The following HYAL4 variants were observed in gnomAD, a reference collection of about 807,000 sequenced individuals.
HYAL4 encodes hyaluronidase-4.
In HYAL4, 37 loss-of-function variants were observed where a neutral mutation model predicts 35.2. That is an observed-to-expected ratio of 1.05 (90% CI 0.81 to 1.38). HYAL4 has a LOEUF of 1.38. Among genes scored for constraint, HYAL4 ranks in the 40% most tolerant of loss-of-function variants. The pLI is 0.00. For missense variants in HYAL4, 572 were observed against 572.4 expected (o/e 1.00, Z 0.01); for synonymous variants, 198 against 203.2 (o/e 0.97, Z 0.22).
At chr7:123,823,192 G>A in the HYAL4 span, among the ~76,000 whole-genome samples, 1 of 152,042 alleles carries the variant, frequency 6.6e-6, no homozygotes, top group Non-Finnish European at 1.5e-5. Flanking sequence ...TGCTTTTTCT[G>A]CTTCTAGTAA....
At chr7:123,824,965 T>C (rs563496397), upstream of HYAL4, among the ~76,000 whole-genome samples, 2 of 152,100 alleles carry the variant, frequency 1.3e-5, no homozygotes, top group Non-Finnish European at 2.9e-5. Flanking sequence ...AGGACAGTGC[T>C]CTCTACTTCA....
chr7:123,787,740 C>T, the HYAL4 span, among the ~76,000 whole-genome samples: 1 of 152,112 alleles, frequency 6.6e-6, no homozygotes, highest in Non-Finnish European at 1.5e-5. Context: ...TTAATTTTGT[C>T]CCTAAGAGTT....
chr7:123,874,694 C>T (rs562714976), intron 3 of HYAL4, 67 bp from the exon 4 acceptor site: 65 of 967,880 alleles, frequency 6.7e-5, no homozygotes, highest in African/African-American at 5.6e-4. Context: ...CGTGAGCCAC[C>T]GCGCCCAGCC....
At chr7:123,853,225 T>G (rs1806352249) in intron 2 of HYAL4, among the ~76,000 whole-genome samples, 2 of 152,220 alleles carry the variant, frequency 1.3e-5, no homozygotes, top group Admixed American at 1.3e-4. Context: ...GCTCTTTATT[T>G]CTTTCTCTTG....
chr7:123,795,247 C>T, the HYAL4 span, among the ~76,000 whole-genome samples: 1 of 152,140 alleles, frequency 6.6e-6, no homozygotes, highest in Non-Finnish European at 1.5e-5. Flanking sequence ...ATTTTACAGG[C>T]TCTTAAGCAG....
intron 2 of HYAL4, among the ~76,000 whole-genome samples, chr7:123,857,115 C>G (rs1418910783): frequency 6.6e-6 from 1 of 152,184 alleles, no homozygotes; most frequent in Non-Finnish European, 1.5e-5. Flanking sequence ...TCTTAGCTTG[C>G]TGGGCTCCGT....
the HYAL4 span, among the ~76,000 whole-genome samples, chr7:123,787,844 A>G: frequency 6.6e-6 from 1 of 152,288 alleles, no homozygotes; most frequent in African/African-American, 2.4e-5. Flanking sequence ...AATTTTTTTA[A>G]CCATGGTGAG....
At position 123,868,867 on chromosome 7, in the gene HYAL4, C is replaced by G. The variant is rs139877569; in HGVS notation, c.594C>G (p.Phe198Leu). The change falls in exon 3 of 5, where the codon TTC becomes TTG. Residue 198 changes from phenylalanine to leucine, a missense_variant. Phe to Leu is a conservative substitution (Grantham distance 22). Transcript: ENST00000223026. Reference sequence around the variant, plus strand: ...CCTTTGAAGAAAGTGCAAAAGCTTTCATGAAGGAAACCATCAAATTGGGAA... The same window carrying G: ...CCTTTGAAGAAAGTGCAAAAGCTTTGATGAAGGAAACCATCAAATTGGGAA... The part of the protein sequence containing the change: ...KVTFEESAKA[F>L]MKETIKLGIK... 1 of 1,614,160 alleles carries G rather than the reference C, an allele frequency of 6.2e-7. No individual in the cohort carries two copies. Among genetic ancestry groups the G allele is most frequent in the Admixed American group, 1.7e-5 (1 of 60,022 alleles).
Position 123,876,734 on chromosome 7 carries a change from AT to A in HYAL4, c.1045-17del. 1 of 1,600,058 alleles carries A rather than the reference AT, an allele frequency of 6.2e-7. No homozygotes were observed. ...TACCAGGGAGAACACACTAAAATTGATTTCTTCCTACATTTCTAGGCCAACT... is the reference window on the plus strand; with the variant it reads ...TACCAGGGAGAACACACTAAAATTGATTCTTCCTACATTTCTAGGCCAACT... On this transcript the variant is annotated intron_variant, in intron 4 of 4. Transcript: ENST00000223026.
At chr7:123,840,268 G>C (rs192991240), upstream of HYAL4, among the ~76,000 whole-genome samples, 24 of 152,196 alleles carry the variant, frequency 1.6e-4, no homozygotes, top group African/African-American at 5.3e-4. Context: ...GCTTGTTTTT[G>C]TCAGGTTTGT....
the HYAL4 span, among the ~76,000 whole-genome samples, chr7:123,767,471 A>G: frequency 6.6e-6 from 1 of 152,150 alleles, no homozygotes; most frequent in Non-Finnish European, 1.5e-5. Context: ...GCTTTATCCT[A>G]TGAAGCCACT....
the HYAL4 span, among the ~76,000 whole-genome samples, chr7:123,799,860 A>G: frequency 6.6e-6 from 1 of 151,984 alleles, no homozygotes; most frequent in Admixed American, 6.6e-5. Flanking sequence ...AATCACTATT[A>G]ACTAAAAATA....
the HYAL4 span, among the ~76,000 whole-genome samples, chr7:123,810,067 T>G: frequency 2.6e-5 from 4 of 152,212 alleles, no homozygotes; most frequent in African/African-American, 9.6e-5. Flanking sequence ...CTGGATTAAA[T>G]CTGATGGAAG....
intron 4 of HYAL4, among the ~76,000 whole-genome samples, chr7:123,875,452 T>C (rs1806986832): frequency 6.6e-6 from 1 of 151,314 alleles, no homozygotes; most frequent in Non-Finnish European, 1.5e-5. Context: ...AGGCCAGGAG[T>C]TCGAGACCAG....
the HYAL4 span, among the ~76,000 whole-genome samples, chr7:123,811,304 A>G: frequency 1.3e-5 from 2 of 152,174 alleles, no homozygotes; most frequent in South Asian, 4.1e-4. Context: ...TTGCATTCCA[A>G]TTGGCAATGT....
the HYAL4 span, among the ~76,000 whole-genome samples, chr7:123,793,825 G>A: frequency 6.6e-6 from 1 of 152,204 alleles, no homozygotes; most frequent in South Asian, 2.1e-4. Context: ...AGAGAGTGGG[G>A]TGCTGCTGTA....
At chr7:123,858,645 A>T (rs887519238) in intron 2 of HYAL4, among the ~76,000 whole-genome samples, 1 of 152,220 alleles carries the variant, frequency 6.6e-6, no homozygotes, top group Admixed American at 6.5e-5. Flanking sequence ...TCAAAAGTTG[A>T]GACTTTAGTT....
the HYAL4 span, among the ~76,000 whole-genome samples, chr7:123,815,209 A>C: frequency 6.6e-6 from 1 of 152,192 alleles, no homozygotes; most frequent in African/African-American, 2.4e-5. Flanking sequence ...AATGTCACTG[A>C]CAATTAGATG....
chr7:123,842,410 C>T (rs1806088764), upstream of HYAL4, among the ~76,000 whole-genome samples: 1 of 152,108 alleles, frequency 6.6e-6, no homozygotes, highest in South Asian at 2.1e-4. Context: ...GAGTGCTTTA[C>T]TTCCAATTAT....
Sources: allele counts gnomAD v4.1 joint callset (sites outside exome capture counted in the v4.1 genomes callset), GRCh38; gene constraint gnomAD v4.1.1; transcripts MANE v1.5; gene names NCBI Gene and HGNC (gene_info 2026-07-23, HGNC 2026-07-21).